The following SMIM36 variants were observed in gnomAD, a reference collection of about 807,000 sequenced individuals.
SMIM36 encodes the protein small integral membrane protein 36.
the SMIM36 span, among the ~76,000 whole-genome samples, chr17:55,530,995 C>T: frequency 6.6e-6 from 1 of 152,102 alleles, no homozygotes; most frequent in South Asian, 2.1e-4. Context: ...ATTTAATTTC[C>T]CTTTTCTTCC....
chr17:55,527,147 T>C, the SMIM36 span: 2 of 152,188 alleles, frequency 1.3e-5, no homozygotes, highest in Admixed American at 1.3e-4. Flanking sequence ...CTCTATGTCC[T>C]CATGTTATTG....
At chr17:55,479,677 A>T (rs1177398156) in intron 1 of SMIM36, 97 bp from the exon 2 acceptor site, 1 of 152,222 alleles carries the variant, frequency 6.6e-6, no homozygotes, top group Non-Finnish European at 1.5e-5. Context: ...TGTTGTGATG[A>T]TTTTGAACCC....
At position 55,495,999 on chromosome 17, in the gene SMIM36, A is replaced by G. The variant is rs77022392; in HGVS notation, c.*174+14880T>C. On this transcript the variant is annotated intron_variant, in intron 1 of 4. Transcript: ENST00000636752. Reference sequence around the variant, plus strand: ...GGTTTTCCTTCTGATCATGTGTATAATGACTGCTGCGTATACATTTTTGTC... The same window carrying G: ...GGTTTTCCTTCTGATCATGTGTATAGTGACTGCTGCGTATACATTTTTGTC... Among the ~76,000 whole-genome samples the G allele has an allele frequency of 5.9e-5, 9 of 152,240 alleles. No individual in the cohort carries two copies. In the East Asian group the frequency reaches 1.7e-3, roughly 29 times the overall value.
chr17:55,499,136 C>T (rs1321086428), intron 1 of SMIM36, among the ~76,000 whole-genome samples: 1 of 151,860 alleles, frequency 6.6e-6, no homozygotes, highest in Non-Finnish European at 1.5e-5. Flanking sequence ...GTCCTGGTGT[C>T]TTTTGGAATA....
intron 1 of SMIM36, among the ~76,000 whole-genome samples, chr17:55,492,508 T>A (rs1010955943): frequency 2.6e-5 from 4 of 151,868 alleles, no homozygotes; most frequent in African/African-American, 7.3e-5. Context: ...TCTGCCCTCC[T>A]CAGCCTCCCG....
intron 4 of SMIM36, among the ~76,000 whole-genome samples, 174 bp downstream of exon 4, chr17:55,466,971 G>T (rs1217025842): frequency 1.3e-5 from 2 of 152,176 alleles, no homozygotes; most frequent in Non-Finnish European, 2.9e-5. Flanking sequence ...GTAACAGAAG[G>T]GGGAAATGAG....
chr17:55,453,680 C>A (rs1908965444), intron 4 of SMIM36, among the ~76,000 whole-genome samples: 2 of 152,146 alleles, frequency 1.3e-5, no homozygotes, highest in Admixed American at 1.3e-4. Flanking sequence ...ATTACCAGAT[C>A]CCCTGGAAGC....
intron 4 of SMIM36, among the ~76,000 whole-genome samples, chr17:55,454,323 T>G (rs1202550230): frequency 6.6e-6 from 1 of 152,194 alleles, no homozygotes; most frequent in East Asian, 1.9e-4. Context: ...CCTGTAGCAT[T>G]TTGATGTGCA....
intron 1 of SMIM36, among the ~76,000 whole-genome samples, chr17:55,487,978 C>A (rs1909636704): frequency 1.3e-5 from 2 of 152,324 alleles, no homozygotes; most frequent in African/African-American, 4.8e-5. Flanking sequence ...CTGCTGGAAA[C>A]TTCTGAAAAC....
At chr17:55,482,289 G>A (rs1451277218) in intron 1 of SMIM36, among the ~76,000 whole-genome samples, 2 of 151,916 alleles carry the variant, frequency 1.3e-5, no homozygotes, top group African/African-American at 2.4e-5. Flanking sequence ...TACTCCCACC[G>A]CATCCACAAC....
At chr17:55,518,434 A>G in the SMIM36 span, among the ~76,000 whole-genome samples, 51 of 152,238 alleles carry the variant, frequency 3.4e-4, no homozygotes, top group African/African-American at 1.2e-3. Flanking sequence ...CACTGGGTTC[A>G]ACAAAGGCAG....
exon 1 of SMIM36, chr17:55,511,112 C>T (rs1184311509): frequency 2.5e-6 from 1 of 398,524 alleles, no homozygotes; most frequent in Admixed American, 4.4e-5. Context: ...AGGCCAGGCC[C>T]CTTTGGCCAG....
intron 4 of SMIM36, among the ~76,000 whole-genome samples, chr17:55,451,741 A>G (rs1455734990): frequency 6.6e-6 from 1 of 152,128 alleles, no homozygotes; most frequent in Non-Finnish European, 1.5e-5. Flanking sequence ...TGCACAAAAG[A>G]TTTAAGACTC....
At chr17:55,467,400 AT>A (rs879738032) in intron 3 of SMIM36, 72 bp from the exon 4 acceptor site, 440 of 144,426 alleles carry the variant, frequency 3.0e-3, no homozygotes, top group Middle Eastern at 3.6e-3. Flanking sequence ...TTTTGACCAT[AT>A]TTTTTTTTTT....
chr17:55,451,589 A>G (rs1244314964), intron 4 of SMIM36, among the ~76,000 whole-genome samples: 1 of 152,202 alleles, frequency 6.6e-6, no homozygotes, highest in Non-Finnish European at 1.5e-5. Flanking sequence ...TAAAAATGCT[A>G]TGAAAATTCT....
intron 3 of SMIM36, among the ~76,000 whole-genome samples, chr17:55,473,446 C>T (rs1909375843): frequency 6.6e-6 from 1 of 152,184 alleles, no homozygotes. Flanking sequence ...TTCTTCCCTT[C>T]TAACAGATAT....
the SMIM36 span, among the ~76,000 whole-genome samples, chr17:55,518,993 G>GTT: frequency 7.0e-5 from 10 of 143,108 alleles, no homozygotes; most frequent in Non-Finnish European, 6.2e-5. Flanking sequence ...TGATATTTGG[G>GTT]TTTTTTTTTT....
exon 1 of SMIM36, chr17:55,511,085 C>T (rs1598460177): frequency 2.5e-6 from 1 of 398,574 alleles, no homozygotes; most frequent in Non-Finnish European, 4.4e-6. Flanking sequence ...CCTAGTGGAG[C>T]AGGATCCCCC....
At position 55,458,876 on chromosome 17, in the gene SMIM36, C is replaced by T. The variant is rs184959436; in HGVS notation, c.*531+8269G>A. Among the ~76,000 whole-genome samples, 179 of 152,278 alleles carry T rather than the reference C, an allele frequency of 1.2e-3. 2 individuals are homozygous for T. The Middle Eastern group carries it at 0.024, about 20-fold the overall frequency. On this transcript the variant is annotated intron_variant, in intron 4 of 4. Transcript: ENST00000636752. ...ATTTTACACTCATTCTCCAAGCCCACGTGTGATTTGCTTCTTCCAGTACAC... is the reference window on the plus strand; with the variant it reads ...ATTTTACACTCATTCTCCAAGCCCATGTGTGATTTGCTTCTTCCAGTACAC...
Sources: allele counts gnomAD v4.1 joint callset (sites outside exome capture counted in the v4.1 genomes callset), GRCh38; gene constraint gnomAD v4.1.1; transcripts MANE v1.5; gene names NCBI Gene and HGNC (gene_info 2026-07-23, HGNC 2026-07-21).